The following TCERG1L variants were observed in gnomAD, a reference collection of about 807,000 sequenced individuals.
TCERG1L encodes the protein transcription elongation regulator 1-like protein.
In TCERG1L, 37 loss-of-function variants were observed where a neutral mutation model predicts 56.3. That is an observed-to-expected ratio of 0.66 (90% CI 0.51 to 0.87). The LOEUF (loss-of-function observed/expected upper bound fraction) is 0.87. Ranked by LOEUF, TCERG1L falls within the 40% of genes least tolerant of loss-of-function variation. TCERG1L has a pLI of 0.00. For missense variants in TCERG1L, 799 were observed against 774.2 expected, an observed-to-expected ratio of 1.03 and a Z score of -0.38; for synonymous variants, 324 against 326.3, an observed-to-expected ratio of 0.99 and a Z score of 0.08.
chr10:131,284,044 T>C (rs1322729805), intron 3 of TCERG1L, among the ~76,000 whole-genome samples: 1 of 150,734 alleles, frequency 6.6e-6, no homozygotes, highest in Non-Finnish European at 1.5e-5. Flanking sequence ...GGAGAATCAC[T>C]TGAACCCAGG....
At chr10:131,275,483 A>T (rs1846381731) in intron 3 of TCERG1L, among the ~76,000 whole-genome samples, 1 of 152,198 alleles carries the variant, frequency 6.6e-6, no homozygotes, top group Non-Finnish European at 1.5e-5. Context: ...TAATTTGAAT[A>T]TTCATTTTAT....
At chr10:131,203,339 T>G (rs142089186) in intron 4 of TCERG1L, among the ~76,000 whole-genome samples, 1 of 108,904 alleles carries the variant, frequency 9.2e-6, no homozygotes, top group African/African-American at 3.2e-5. Context: ...TTCCAGTATG[T>G]CACAGTGGTG....
intron 4 of TCERG1L, among the ~76,000 whole-genome samples, chr10:131,255,223 A>G (rs1159412371): frequency 6.6e-6 from 1 of 152,224 alleles, no homozygotes; most frequent in African/African-American, 2.4e-5. Flanking sequence ...ATGACTTCAT[A>G]CAAACAAATG....
chr10:131,094,600 G>A (rs568192118), intron 11 of TCERG1L, among the ~76,000 whole-genome samples: 11 of 152,104 alleles, frequency 7.2e-5, no homozygotes, highest in Admixed American at 5.2e-4. Context: ...CACATCTCTC[G>A]CAAGAAAAGC....
intron 4 of TCERG1L, among the ~76,000 whole-genome samples, chr10:131,169,361 C>T (rs781596154): frequency 2.8e-4 from 43 of 152,140 alleles, no homozygotes; most frequent in Non-Finnish European, 4.0e-4. Flanking sequence ...GAAGCAGCCC[C>T]CTGACTGAGG....
chr10:131,257,897 A>G (rs532641537), intron 4 of TCERG1L, among the ~76,000 whole-genome samples: 1 of 152,356 alleles, frequency 6.6e-6, no homozygotes, highest in East Asian at 1.9e-4. Flanking sequence ...TCATTTATAT[A>G]AAGTGGGACT....
At chr10:131,162,469 C>T (rs1845989051) in intron 6 of TCERG1L, 1 of 152,290 alleles carries the variant, frequency 6.6e-6, no homozygotes, top group Non-Finnish European at 1.5e-5. Context: ...CCCTGCGCTC[C>T]TTAGCCGGCT....
intron 3 of TCERG1L, among the ~76,000 whole-genome samples, chr10:131,302,580 G>C (rs900027658): frequency 1.3e-5 from 2 of 150,274 alleles, no homozygotes; most frequent in South Asian, 4.2e-4. Context: ...AACATAGCTA[G>C]ATCTTTTACT....
intron 4 of TCERG1L, among the ~76,000 whole-genome samples, chr10:131,215,968 C>T (rs772600888): frequency 6.6e-6 from 1 of 152,158 alleles, no homozygotes; most frequent in Non-Finnish European, 1.5e-5. Context: ...CACTGTGGGG[C>T]GGCCACAGCT....
chr10:131,308,375 G>A lies in TCERG1L; in HGVS notation c.506C>T (p.Ser169Phe), dbSNP rs866806922. The change falls in exon 3 of 12, where the codon TCC (serine) becomes TTC (phenylalanine). Residue 169 changes from serine to phenylalanine, a missense_variant. Ser to Phe is a radical substitution (Grantham distance 155). Transcript: ENST00000368642. ...TATCCACGTTGAGTCCAGAGCAAAGGAATTATTAAAAAAGATCTGTCGAAA... is the reference window on the plus strand; with the variant it reads ...TATCCACGTTGAGTCCAGAGCAAAGAAATTATTAAAAAAGATCTGTCGAAA... ...IPNCKIFFNNSFALDSTWIHP... is the reference protein window; with the variant it reads ...IPNCKIFFNNFFALDSTWIHP... The A allele has an allele frequency of 6.2e-7, 1 of 1,612,622 alleles. No homozygotes were observed. Among genetic ancestry groups the A allele is most frequent in the Non-Finnish European group, 8.5e-7 (1 of 1,179,446 alleles).
intron 4 of TCERG1L, among the ~76,000 whole-genome samples, chr10:131,180,792 A>C (rs1845166054): frequency 6.6e-6 from 1 of 152,124 alleles, no homozygotes; most frequent in Admixed American, 6.6e-5. Flanking sequence ...GTATATTCAC[A>C]TTCTAAATTA....
At chr10:131,116,563 TCTCA>T (rs1204993251) in intron 9 of TCERG1L, among the ~76,000 whole-genome samples, 1 of 152,102 alleles carries the variant, frequency 6.6e-6, no homozygotes, top group East Asian at 1.9e-4. Context: ...AGCACCTGCC[TCTCA>T]CTCAGCACAA....
At position 131,098,731 on chromosome 10, in the gene TCERG1L, G is replaced by A. The variant is rs146968930; in HGVS notation, c.1486-307C>T. Among the ~76,000 whole-genome samples, 545 of 152,268 alleles carry A rather than the reference G, an allele frequency of 3.6e-3. 3 individuals carry two copies. Among genetic ancestry groups the A allele is most frequent in the African/African-American group, 0.012 (514 of 41,558 alleles). On this transcript the variant is annotated intron_variant, in intron 10 of 11. Transcript: ENST00000368642. ...TGACTTGGCTGCCCTCTCTGCAGGC[G>A]TCTGGAACCAAGTGGCGGTTTGGAA...
chr10:131,285,781 A>G (rs1234064868), intron 3 of TCERG1L, among the ~76,000 whole-genome samples: 2 of 152,242 alleles, frequency 1.3e-5, no homozygotes, highest in African/African-American at 4.8e-5. Context: ...TTAAAAAAAG[A>G]AAAATGTGGC....
chr10:131,141,905 ACT>A (rs559951630), intron 7 of TCERG1L, among the ~76,000 whole-genome samples: 107 of 150,330 alleles, frequency 7.1e-4, no homozygotes, highest in African/African-American at 2.5e-3. Context: ...TGTCCTAGAG[ACT>A]CTCCCAGCTC....
intron 3 of TCERG1L, among the ~76,000 whole-genome samples, chr10:131,295,650 C>T (rs1846682380): frequency 6.6e-6 from 1 of 152,130 alleles, no homozygotes; most frequent in Non-Finnish European, 1.5e-5. Context: ...TAATTTGAGC[C>T]ATATGAAGTC....
chr10:131,297,670 T>G (rs1335638604), intron 3 of TCERG1L, among the ~76,000 whole-genome samples: 2 of 152,200 alleles, frequency 1.3e-5, no homozygotes, highest in Non-Finnish European at 1.5e-5. Context: ...CCTTAAATAT[T>G]TGGTAGACCT....
chr10:131,119,306 A>C (rs943860693), intron 8 of TCERG1L, among the ~76,000 whole-genome samples: 1 of 152,228 alleles, frequency 6.6e-6, no homozygotes, highest in Non-Finnish European at 1.5e-5. Context: ...AAAATGTGCA[A>C]AGAAACAAAA....
intron 8 of TCERG1L, among the ~76,000 whole-genome samples, chr10:131,117,428 T>A (rs1483769854): frequency 4.6e-5 from 7 of 152,212 alleles, no homozygotes; most frequent in African/African-American, 1.7e-4. Context: ...CAGAACCATC[T>A]ATGTCCTGAG....
Sources: allele counts gnomAD v4.1 joint callset (sites outside exome capture counted in the v4.1 genomes callset), GRCh38; gene constraint gnomAD v4.1.1; transcripts MANE v1.5; gene names NCBI Gene and HGNC (gene_info 2026-07-23, HGNC 2026-07-21).